MARK2: variants seen among roughly 807,000 people sequenced by gnomAD.
The protein encoded by MARK2 is microtubule affinity regulating kinase 2.
In MARK2, 16 loss-of-function variants were observed where a neutral mutation model predicts 89.8. The ratio of observed to expected loss-of-function variants is 0.18; its 90% CI spans 0.12 to 0.27. MARK2 has a LOEUF of 0.27. Ranked by LOEUF, MARK2 falls within the 10% of genes least tolerant of loss-of-function variation. The pLI, the probability that MARK2 is intolerant of heterozygous loss-of-function variation, is 1.00. For synonymous variants in MARK2, 382 were observed against 399.5 expected, an observed-to-expected ratio of 0.96 and a Z score of 0.52; for missense variants, 621 against 1,049.9, an observed-to-expected ratio of 0.59 and a Z score of 5.65.
chr11:63,852,331 TAATA>T (rs1337645340), intron 1 of MARK2, among the ~76,000 whole-genome samples: 1 of 152,226 alleles, frequency 6.6e-6, no homozygotes, highest in Non-Finnish European at 1.5e-5. Flanking sequence ...CATTACTGTC[TAATA>T]AATCCTTATT....
At chr11:63,850,655 G>A (rs555019510) in intron 1 of MARK2, among the ~76,000 whole-genome samples, 2 of 152,190 alleles carry the variant, frequency 1.3e-5, no homozygotes, top group Admixed American at 1.3e-4. Flanking sequence ...GATGGCGGTG[G>A]ATGTGCAGCC....
Position 63,904,325 on chromosome 11 carries a change from C to T in MARK2, c.1676+178C>T, listed in dbSNP as rs1473169301. Among the ~76,000 whole-genome samples the T allele has an allele frequency of 6.6e-6, 1 of 152,176 alleles. No individual in the cohort carries two copies. On this transcript the variant is annotated intron_variant, in intron 15 of 18. Transcript: ENST00000402010. This position sits in a 1 kb window ranked among gnomAD's most constrained non-coding sequence, Gnocchi z 6.3. ...GGGAACAAAAAAGAGCATTAATGCC[C>T]CTCTTTTCCAGTTCTCCCTCTCAGA...
At chr11:63,861,376 A>G (rs1380300486) in intron 1 of MARK2, among the ~76,000 whole-genome samples, 2 of 152,156 alleles carry the variant, frequency 1.3e-5, no homozygotes, top group Non-Finnish European at 2.9e-5. Context: ...TGGAGGTTGC[A>G]GTGAGCTGAG....
intron 1 of MARK2, among the ~76,000 whole-genome samples, chr11:63,862,383 C>T (rs1488626217): frequency 2.0e-5 from 3 of 152,130 alleles, no homozygotes; most frequent in Non-Finnish European, 2.9e-5. Flanking sequence ...ATCCTTTGTC[C>T]CTGGCTTCAG....
chr11:63,847,494 G>C (rs1347532624), intron 1 of MARK2, among the ~76,000 whole-genome samples: 2 of 152,178 alleles, frequency 1.3e-5, no homozygotes, highest in Non-Finnish European at 2.9e-5. Flanking sequence ...GGGCTTCTCT[G>C]TAGAACCAGT....
At chr11:63,859,522 T>C (rs2135234588) in intron 1 of MARK2, among the ~76,000 whole-genome samples, 1 of 152,274 alleles carries the variant, frequency 6.6e-6, no homozygotes, top group Middle Eastern at 3.4e-3. Context: ...GGTTTCACCA[T>C]GTTGGCCAGG....
intron 2 of MARK2, 43 bp downstream of exon 2, chr11:63,895,381 G>T (rs754935571): frequency 1.3e-6 from 2 of 1,589,822 alleles, no homozygotes; most frequent in Non-Finnish European, 1.7e-6. Flanking sequence ...TCCCAGCCCT[G>T]TTGACACTCC....
chr11:63,870,674 G>A (rs567936460), intron 1 of MARK2, among the ~76,000 whole-genome samples: 4 of 152,194 alleles, frequency 2.6e-5, no homozygotes, highest in Admixed American at 1.3e-4. Context: ...GAAGGAGGCC[G>A]TTCAGCAAGC....
At chr11:63,898,330 C>G in intron 4 of MARK2, 50 bp downstream of exon 4, 1 of 1,542,736 alleles carries the variant, frequency 6.5e-7, no homozygotes, top group Non-Finnish European at 9.0e-7. Context: ...CAAGGCACTG[C>G]TTTCCAGCAT....
chr11:63,868,703 G>A, intron 1 of MARK2: 1 of 449,438 alleles, frequency 2.2e-6, no homozygotes, highest in Non-Finnish European at 4.5e-6. Context: ...CAACGTGTCT[G>A]CCTGCGTTGT....
At chr11:63,884,593 G>A (rs566801676) in intron 1 of MARK2, among the ~76,000 whole-genome samples, 1 of 152,358 alleles carries the variant, frequency 6.6e-6, no homozygotes, top group South Asian at 2.1e-4. Context: ...ACCCTGGCTG[G>A]AAAGAGGGAG....
At chr11:63,907,534 G>C (rs547233234) in intron 17 of MARK2, among the ~76,000 whole-genome samples, 1 of 152,182 alleles carries the variant, frequency 6.6e-6, no homozygotes, top group Admixed American at 6.5e-5. Flanking sequence ...GCCGCTCAGC[G>C]GGGCCAGACC....
At chr11:63,839,657 A>G (rs2015903311) in intron 1 of MARK2, 97 bp downstream of exon 1, 1 of 795,274 alleles carries the variant, frequency 1.3e-6, no homozygotes, top group Non-Finnish European at 2.0e-6. Context: ...CCCTGCTGCC[A>G]TCCTGCAAGC....
intron 1 of MARK2, among the ~76,000 whole-genome samples, chr11:63,873,103 C>T (rs928274743): frequency 6.6e-5 from 10 of 152,052 alleles, no homozygotes; most frequent in African/African-American, 2.4e-4. Flanking sequence ...GACCAGTCTC[C>T]TTAGGGGTGA....
intron 1 of MARK2, chr11:63,869,011 C>G (rs1205956574): frequency 2.7e-6 from 1 of 374,142 alleles, no homozygotes; most frequent in African/African-American, 2.1e-5. Flanking sequence ...TCCGAGGCCA[C>G]TGTGAGTGAG....
In MARK2 at chr11:63,904,462, C is replaced by T. The variant is rs192301157; in HGVS notation, c.1676+315C>T. ...TAGTCGGCATCACAGGGACTCAATC[C>T]TCAAGGGTTGGTCCCCATTGCCGCC... On this transcript the variant is annotated intron_variant, in intron 15 of 18. Transcript: ENST00000402010. The surrounding 1 kb of genome is among the most constrained non-coding windows in gnomAD (Gnocchi z 6.3). Among the ~76,000 whole-genome samples the T allele has an allele frequency of 6.6e-6, 1 of 152,238 alleles. No homozygotes were observed.
At chr11:63,899,200 C>G (rs934123771) in intron 7 of MARK2, 92 bp downstream of exon 7, 2 of 786,338 alleles carry the variant, frequency 2.5e-6, no homozygotes, top group Non-Finnish European at 4.4e-6. Context: ...ACCATCAGGC[C>G]CTGAGTGTTC....
In MARK2 at chr11:63,839,481, G is replaced by A. The variant is rs373958079; in HGVS notation, c.-26G>A. 201 of 1,481,030 alleles carry A rather than the reference G, an allele frequency of 1.4e-4. No homozygotes were observed. In the African/African-American group the frequency reaches 2.5e-3, roughly 18 times the overall value. The allele number at this position is 1,481,030 out of a possible 1,614,324, so 91.7% of individuals were successfully genotyped here. A position where few individuals can be genotyped will look rare whatever the true frequency, so the allele number is the denominator to read the frequency against. The stretch of plus-strand genomic sequence containing the variant: ...TCCCTCCCTTCCTCCAAGCTTCTCG[G>A]TTCCCTCCCCCGAGATACCGGCGCC... On this transcript the variant is annotated 5_prime_UTR_variant, in exon 1 of 19. Coordinates refer to ENST00000402010, the MANE Select transcript of MARK2 (RefSeq NM_001039469.3).
chr11:63,883,762 T>C (rs1041657791), intron 1 of MARK2, among the ~76,000 whole-genome samples: 20 of 152,222 alleles, frequency 1.3e-4, no homozygotes, highest in Non-Finnish European at 2.5e-4. Flanking sequence ...ATTTTTGTGT[T>C]TTTTTGTAGA....
Sources: gnomAD v4.1 joint callset for allele counts (sites outside exome capture counted in the v4.1 genomes callset) on GRCh38, gnomAD v4.1.1 for gene constraint, Gnocchi (gnomAD v3.1) non-coding constraint, MANE v1.5 for transcripts, NCBI Gene and HGNC (gene_info 2026-07-23, HGNC 2026-07-21) for gene names.